The following TPP2 variants were observed in gnomAD, a reference collection of about 807,000 sequenced individuals.
The protein encoded by TPP2 is tripeptidyl peptidase 2.
TPP2 carries 34 observed loss-of-function variants against 155.9 expected under a neutral mutation model. That is an observed-to-expected ratio of 0.22 (90% confidence interval 0.17 to 0.29). The LOEUF (loss-of-function observed/expected upper bound fraction) is 0.29. TPP2 is among the 10% of genes least tolerant of loss of function. The pLI, the probability that TPP2 is intolerant of heterozygous loss-of-function variation, is 1.00. For missense variants in TPP2, 1,028 were observed against 1,522.3 expected (o/e 0.68, Z 5.40); for synonymous variants, 510 against 529.4 (o/e 0.96, Z 0.50).
intron 12 of TPP2, 25 bp downstream of exon 12, chr13:102,635,727 G>C: frequency 6.5e-7 from 1 of 1,532,478 alleles, no homozygotes; most frequent in Non-Finnish European, 9.0e-7. Flanking sequence ...ATGAAAAATG[G>C]GTTGTAAAGC....
At chr13:102,643,120 C>G in intron 16 of TPP2, 102 bp from the exon 17 acceptor site, 1 of 1,090,852 alleles carries the variant, frequency 9.2e-7, no homozygotes, top group South Asian at 2.1e-5. Flanking sequence ...CCTATTATGT[C>G]CCTACATGGG....
Position 102,663,681 on chromosome 13 carries a change from A to G in TPP2, c.3177A>G (p.Lys1059=), listed in dbSNP as rs1489768600. 1.9e-6 allele frequency: 3 copies of G among 1,607,394 alleles called. No individual in the cohort carries two copies. Among genetic ancestry groups the G allele is most frequent in the Non-Finnish European group, 2.5e-6 (3 of 1,177,826 alleles). The change falls in exon 26 of 30, where the codon AAA becomes AAG. Residue 1059 remains lysine, a synonymous_variant. Coordinates refer to ENST00000376052, the MANE Select transcript of TPP2 (RefSeq NM_001330588.2). ...CTAGTGACATTTATAACGAATTGAA[A>G]GAAACATATCCTAATTATCTTCCTC... ...LDSSDIYNEL[K]ETYPNYLPLY...
At chr13:102,654,875 C>G (rs931952683) in intron 24 of TPP2, 8 of 446,134 alleles carry the variant, frequency 1.8e-5, no homozygotes, top group Admixed American at 7.3e-5. Flanking sequence ...TTGCGCTTAC[C>G]TTGGCTTTGC....
intron 24 of TPP2, among the ~76,000 whole-genome samples, chr13:102,652,397 C>CATACAT (rs1883560553): frequency 1.6e-5 from 2 of 125,488 alleles, no homozygotes; most frequent in Non-Finnish European, 3.5e-5. Flanking sequence ...AACATACATA[C>CATACAT]ATATATATAT....
At position 102,671,792 on chromosome 13, in the gene TPP2, G is replaced by A. The variant is rs534257069; in HGVS notation, c.3372-2491G>A. Among the ~76,000 whole-genome samples, 6 of 152,266 alleles carry A rather than the reference G, an allele frequency of 3.9e-5. No individual in the cohort carries two copies. In the South Asian group the frequency reaches 6.2e-4, roughly 16 times the overall value. ...TTTGTTATCTTTGCCCGGTAACAGC[G>A]GGGCTGAGGGAGAAGGGGGAGGAAC... On this transcript the variant is annotated intron_variant, in intron 27 of 29. Coordinates refer to ENST00000376052, the MANE Select transcript of TPP2 (RefSeq NM_001330588.2).
At chr13:102,625,524 G>C (rs1595157346) in intron 6 of TPP2, among the ~76,000 whole-genome samples, 1 of 152,064 alleles carries the variant, frequency 6.6e-6, no homozygotes, top group South Asian at 2.1e-4. Context: ...CTCCCACCAT[G>C]GTGTGTGAGA....
intron 5 of TPP2, among the ~76,000 whole-genome samples, chr13:102,621,632 G>A (rs778195412): frequency 3.3e-5 from 5 of 152,156 alleles, no homozygotes; most frequent in Non-Finnish European, 5.9e-5. Flanking sequence ...GTTAAGAGCC[G>A]TTGGAAGACA....
intron 11 of TPP2, among the ~76,000 whole-genome samples, chr13:102,634,466 G>A (rs1882239270): frequency 6.6e-6 from 1 of 152,128 alleles, no homozygotes; most frequent in South Asian, 2.1e-4. Flanking sequence ...TGGATGCCGT[G>A]AGCAAAATGA....
At chr13:102,641,158 G>A (rs1882741866) in intron 16 of TPP2, among the ~76,000 whole-genome samples, 1 of 152,192 alleles carries the variant, frequency 6.6e-6, no homozygotes, top group Non-Finnish European at 1.5e-5. Context: ...CTGTGAGAGT[G>A]CTCATGTCAT....
intron 22 of TPP2, 55 bp downstream of exon 22, chr13:102,649,206 T>A: frequency 6.5e-7 from 1 of 1,531,534 alleles, no homozygotes; most frequent in Non-Finnish European, 8.7e-7. Flanking sequence ...GTAGTCCTTT[T>A]AATGTCAGTT....
Position 102,663,631 on chromosome 13 carries a change from C to T in TPP2, c.3144-17C>T, listed in dbSNP as rs566049530. 14 of 1,536,776 alleles carry T rather than the reference C, an allele frequency of 9.1e-6. No homozygotes were observed. Among genetic ancestry groups the T allele is most frequent in the South Asian group, 1.2e-5 (1 of 81,576 alleles). On this transcript the variant is annotated splice_polypyrimidine_tract_variant and intron_variant, in intron 25 of 29. Transcript: ENST00000376052. ...AAAAGAAAAAAGTAAATATTTCTCT[C>T]CTTCTTACATACATAGGCTGGATTC...
At chr13:102,623,163 T>C in intron 6 of TPP2, 123 bp downstream of exon 6, 1 of 1,054,898 alleles carries the variant, frequency 9.5e-7, no homozygotes, top group Non-Finnish European at 1.4e-6. Context: ...AAGGACTAGG[T>C]CCAGAATCAT....
intron 23 of TPP2, among the ~76,000 whole-genome samples, chr13:102,650,206 A>G (rs572444970): frequency 6.6e-6 from 1 of 152,248 alleles, no homozygotes; most frequent in South Asian, 2.1e-4. Flanking sequence ...CTTTTGTCAT[A>G]ATAATCATTT....
In TPP2 at chr13:102,663,487, A is replaced by G. The variant is rs147550285; in HGVS notation, c.3144-161A>G. 3.2e-3 allele frequency among the ~76,000 whole-genome samples: 485 copies of G among 152,362 alleles called. 2 individuals carry two copies. Among genetic ancestry groups the G allele is most frequent in the African/African-American group, 0.011 (444 of 41,582 alleles). On this transcript the variant is annotated intron_variant, in intron 25 of 29. Transcript: ENST00000376052. Reference sequence around the variant, plus strand: ...TGTTTTCTAGTTAACCATTTATACTACTTGCCAATAATGATAATCCTTGTC... The same window carrying G: ...TGTTTTCTAGTTAACCATTTATACTGCTTGCCAATAATGATAATCCTTGTC...
intron 8 of TPP2, 127 bp from the exon 9 acceptor site, chr13:102,629,355 A>G (rs1881862851): frequency 9.1e-7 from 1 of 1,095,760 alleles, no homozygotes; most frequent in Non-Finnish European, 1.2e-6. Context: ...GAATGGCTGT[A>G]TCATGTTCCA....
At chr13:102,675,160 A>G (rs1373847579) in intron 28 of TPP2, among the ~76,000 whole-genome samples, 1 of 152,196 alleles carries the variant, frequency 6.6e-6, no homozygotes, top group Non-Finnish European at 1.5e-5. Context: ...GTTTTAGTAG[A>G]CAGGTGCTTG....
intron 27 of TPP2, among the ~76,000 whole-genome samples, chr13:102,668,821 G>A (rs1884782478): frequency 1.3e-5 from 2 of 152,218 alleles, no homozygotes; most frequent in Admixed American, 6.5e-5. Flanking sequence ...TGGTGTCTAT[G>A]TCCAGAGCAG....
intron 6 of TPP2, among the ~76,000 whole-genome samples, chr13:102,623,573 C>G (rs1881330147): frequency 6.6e-6 from 1 of 152,104 alleles, no homozygotes; most frequent in South Asian, 2.1e-4. Flanking sequence ...CAAAAAAAAT[C>G]CATCAATAGA....
At chr13:102,661,705 G>A (rs1884241819) in intron 25 of TPP2, among the ~76,000 whole-genome samples, 1 of 152,118 alleles carries the variant, frequency 6.6e-6, no homozygotes, top group Admixed American at 6.6e-5. Flanking sequence ...TCAGGGAAAT[G>A]CACATCAAAA....
Sources: allele counts gnomAD v4.1 joint callset (sites outside exome capture counted in the v4.1 genomes callset), GRCh38; gene constraint gnomAD v4.1.1; transcripts MANE v1.5; gene names NCBI Gene and HGNC (gene_info 2026-07-23, HGNC 2026-07-21).